SLC17A6: variants seen among roughly 807,000 people sequenced by gnomAD.
SLC17A6 encodes the protein solute carrier family 17 member 6.
In SLC17A6, 35 loss-of-function variants were observed where a neutral mutation model predicts 67.1. The observed-to-expected ratio is 0.52, with a 90% CI of 0.40 to 0.69. The LOEUF is 0.69. Ranked by LOEUF, SLC17A6 falls within the 30% of genes least tolerant of loss-of-function variation. SLC17A6 has a pLI of 0.00. For missense variants in SLC17A6, 588 were observed against 723.9 expected (o/e 0.81, Z 2.15); for synonymous variants, 285 against 252.3 (o/e 1.13, Z -1.23).
intron 4 of SLC17A6, among the ~76,000 whole-genome samples, chr11:22,360,533 C>T (rs971157793): frequency 1.1e-4 from 15 of 139,938 alleles, no homozygotes; most frequent in Non-Finnish European, 2.2e-4. Context: ...CCTTCCCCCC[C>T]CCCCAAAAAA....
rs146681220 is a variant in SLC17A6 at position 22,362,203 on chromosome 11, C to A, written c.662-536C>A. 1,489 of 432,668 alleles carry A rather than the reference C, an allele frequency of 3.4e-3. 7 individuals carry two copies. Among genetic ancestry groups the A allele is most frequent in the Middle Eastern group, 0.013 (18 of 1,424 alleles). 26.8% of individuals were successfully genotyped at this position (432,668 alleles called of 1,614,324 possible). ...AAACAAATTTGCCATAGGGGAAAAA[C>A]GTGATAACTTACCTTGATGACATCT... On this transcript the variant is annotated intron_variant, in intron 5 of 11. Coordinates refer to ENST00000263160, the MANE Select transcript of SLC17A6 (RefSeq NM_020346.3).
intron 4 of SLC17A6, among the ~76,000 whole-genome samples, chr11:22,360,536 C>A (rs543045559): frequency 1.2e-4 from 16 of 136,824 alleles, no homozygotes; most frequent in East Asian, 5.6e-4. Flanking sequence ...TCCCCCCCCC[C>A]CAAAAAAAAG....
At chr11:22,364,959 C>T (rs927692242) in intron 6 of SLC17A6, among the ~76,000 whole-genome samples, 5 of 152,186 alleles carry the variant, frequency 3.3e-5, no homozygotes, top group Admixed American at 2.0e-4. Flanking sequence ...TATACAGTCA[C>T]GTAAAGTGTT....
intron 10 of SLC17A6, among the ~76,000 whole-genome samples, 156 bp from the exon 11 acceptor site, chr11:22,376,389 T>C (rs1202392191): frequency 6.6e-6 from 1 of 152,218 alleles, no homozygotes; most frequent in Non-Finnish European, 1.5e-5. Context: ...TACCTCATTC[T>C]ATTCTCATTA....
At chr11:22,351,622 CTG>C (rs1310179643) in intron 3 of SLC17A6, among the ~76,000 whole-genome samples, 6 of 151,724 alleles carry the variant, frequency 4.0e-5, no homozygotes, top group Admixed American at 4.0e-4. Flanking sequence ...AATATTTTTA[CTG>C]TGTGTTTTCT....
chr11:22,346,666 T>G (rs992354395), intron 3 of SLC17A6, among the ~76,000 whole-genome samples: 1 of 151,886 alleles, frequency 6.6e-6, no homozygotes. Flanking sequence ...GGGGGCAAAT[T>G]ATTTTTGTCT....
chr11:22,362,335 C>T, intron 5 of SLC17A6: 1 of 349,082 alleles, frequency 2.9e-6, no homozygotes, highest in South Asian at 2.8e-5. Flanking sequence ...AAAAGCTACA[C>T]AAACATGAAA....
chr11:22,338,611 G>A lies in SLC17A6; in HGVS notation c.78G>A (p.Gln26=). ...ATTTTGCTGGAAAATCACTCGGCCA[G>A]ATCTACAGGTAAGACAAAGCGAACA... ...LKNFAGKSLG[Q]IYRVLEKKQD... is the part of the protein sequence containing the mutation. Residue 26 remains glutamine, a synonymous_variant, in exon 1 of 12, where the codon CAG becomes CAA. Transcript: ENST00000263160. 2 of 1,612,684 alleles carry A rather than the reference G, an allele frequency of 1.2e-6. No homozygotes were observed. The highest frequency in any genetic ancestry group is 1.7e-6 in the Non-Finnish European group (2 of 1,179,164).
chr11:22,361,551 A>G (rs955591904), intron 5 of SLC17A6, among the ~76,000 whole-genome samples: 3 of 152,124 alleles, frequency 2.0e-5, no homozygotes, highest in African/African-American at 7.2e-5. Flanking sequence ...ATCTTTAAGT[A>G]TTCTCCTAAG....
At position 22,347,507 on chromosome 11, in the gene SLC17A6, A is replaced by G. The variant is rs200598237; in HGVS notation, c.458+4142A>G. The stretch of plus-strand genomic sequence containing the variant: ...TATTAATGAAATCTTAACTTTCGGG[A>G]AAAAAAAAGGAAGGAATAAAACCTC... On this transcript the variant is annotated intron_variant, in intron 3 of 11. Coordinates refer to ENST00000263160, the MANE Select transcript of SLC17A6 (RefSeq NM_020346.3). Among the ~76,000 whole-genome samples, 32 of 7,140 alleles carry G rather than the reference A, an allele frequency of 4.5e-3. No individual in the cohort carries two copies. The East Asian group carries it at 0.051, about 11-fold the overall frequency. The allele number at this position is 7,140 out of a possible 152,430, so 4.7% of individuals were successfully genotyped here.
chr11:22,346,450 A>G (rs534015666), intron 3 of SLC17A6, among the ~76,000 whole-genome samples: 1 of 152,268 alleles, frequency 6.6e-6, no homozygotes, highest in African/African-American at 2.4e-5. Flanking sequence ...AAGAGTCAGG[A>G]GGGGAGTAAA....
intron 2 of SLC17A6, among the ~76,000 whole-genome samples, chr11:22,342,096 GT>G (rs1855822097): frequency 6.6e-6 from 1 of 152,244 alleles, no homozygotes; most frequent in Non-Finnish European, 1.5e-5. Flanking sequence ...AAGTGTGTTT[GT>G]TTTACTTGGA....
chr11:22,366,742 C>T (rs1387736932), intron 7 of SLC17A6, among the ~76,000 whole-genome samples: 5 of 151,960 alleles, frequency 3.3e-5, no homozygotes, highest in African/African-American at 1.2e-4. Flanking sequence ...CGGTGGCTCA[C>T]GCCTGTAATC....
At position 22,379,267 on chromosome 11, in the gene SLC17A6, C is replaced by T. The variant is rs11026539; in HGVS notation, c.*1527C>T. 0.14 allele frequency: 21,890 copies of T among 152,156 alleles called. 2,029 individuals are homozygous for T. The highest frequency in any genetic ancestry group is 0.22 in the Middle Eastern group (64 of 290). The allele number at this position is 152,156 out of a possible 1,614,324, so 9.4% of individuals were successfully genotyped here. A position where few individuals can be genotyped will look rare whatever the true frequency, so the allele number is the denominator to read the frequency against. ...GTCTATTCTGGATATTTGATCTGTT[C>T]AATGTACTGTGCTAGTGACTGGAGG... On this transcript the variant is annotated 3_prime_UTR_variant, in exon 12 of 12. Transcript: ENST00000263160.
At chr11:22,345,947 CA>C (rs1416181527) in intron 3 of SLC17A6, among the ~76,000 whole-genome samples, 1 of 152,106 alleles carries the variant, frequency 6.6e-6, no homozygotes, top group Non-Finnish European at 1.5e-5. Flanking sequence ...TTAATAAACA[CA>C]AAATCAGAGA....
intron 3 of SLC17A6, among the ~76,000 whole-genome samples, chr11:22,349,816 G>A (rs1285885495): frequency 2.0e-5 from 3 of 152,206 alleles, no homozygotes; most frequent in African/African-American, 4.8e-5. Context: ...GGCATCAGAT[G>A]TGACAAAGGG....
At chr11:22,341,055 G>A (rs1379513525) in intron 1 of SLC17A6, among the ~76,000 whole-genome samples, 1 of 152,220 alleles carries the variant, frequency 6.6e-6, no homozygotes, top group African/African-American at 2.4e-5. Flanking sequence ...CGCCTGCAGC[G>A]GAGCAGCTCT....
intron 1 of SLC17A6, among the ~76,000 whole-genome samples, chr11:22,341,227 C>A (rs967500477): frequency 1.3e-5 from 2 of 152,162 alleles, no homozygotes; most frequent in Admixed American, 6.5e-5. Context: ...TAGGCCCAAG[C>A]GGCCTGTGTA....
intron 2 of SLC17A6, among the ~76,000 whole-genome samples, chr11:22,342,653 C>A (rs920674923): frequency 6.6e-6 from 1 of 152,124 alleles, no homozygotes; most frequent in Non-Finnish European, 1.5e-5. Flanking sequence ...TTTATTAAAA[C>A]CCCTGAGCAA....
Sources: gnomAD v4.1 joint callset for allele counts (sites outside exome capture counted in the v4.1 genomes callset) on GRCh38, gnomAD v4.1.1 for gene constraint, MANE v1.5 for transcripts, NCBI Gene and HGNC (gene_info 2026-07-23, HGNC 2026-07-21) for gene names.